The following FLYWCH1 variants were observed in gnomAD, a reference collection of about 807,000 sequenced individuals.
FLYWCH1 encodes the protein FLYWCH-type zinc finger 1, also known as FLYWCH-type zinc finger-containing protein 1.
In FLYWCH1, 75 loss-of-function variants were observed where a neutral mutation model predicts 66.4. That is an observed-to-expected ratio of 1.13 (90% CI 0.94 to 1.37). The LOEUF (loss-of-function observed/expected upper bound fraction) is 1.37. Among genes scored for constraint, FLYWCH1 ranks in the 40% most tolerant of loss-of-function variants. FLYWCH1 has a pLI of 0.00. For synonymous variants in FLYWCH1, 595 were observed against 429.9 expected, an observed-to-expected ratio of 1.38 and a Z score of -4.75; for missense variants, 1,334 against 1,001.8, an observed-to-expected ratio of 1.33 and a Z score of -4.48.
chr16:2,923,792 C>G (rs989640059), intron 2 of FLYWCH1, among the ~76,000 whole-genome samples: 1 of 152,082 alleles, frequency 6.6e-6, no homozygotes, highest in Non-Finnish European at 1.5e-5. Context: ...AATCCCCGCA[C>G]TTTGGAAGGC....
rs1183365241 is a variant in FLYWCH1 at position 2,950,856 on chromosome 16, T to G, written c.*2129T>G. 6.6e-6 allele frequency: 1 copy of G among 152,260 alleles called. No homozygotes were observed. The highest frequency in any genetic ancestry group is 1.5e-5 in the Non-Finnish European group (1 of 68,062). 9.4% of individuals were successfully genotyped at this position (152,260 alleles called of 1,614,324 possible). A position where few individuals can be genotyped will look rare whatever the true frequency, so the allele number is the denominator to read the frequency against. ...GATGATGCTGTTGCCTTGGGTGGCT[T>G]CATGGCCACCAACCCGCACCCTGGT... On this transcript the variant is annotated 3_prime_UTR_variant, in exon 10 of 10. Coordinates refer to ENST00000253928, the MANE Select transcript of FLYWCH1 (RefSeq NM_001308068.2).
intron 2 of FLYWCH1, among the ~76,000 whole-genome samples, chr16:2,917,014 G>A (rs961306580): frequency 1.3e-5 from 2 of 150,932 alleles, no homozygotes; most frequent in Non-Finnish European, 2.9e-5. Context: ...AAATTAGCCA[G>A]GCGTGGTAGC....
intron 4 of FLYWCH1, among the ~76,000 whole-genome samples, 188 bp from the exon 5 acceptor site, chr16:2,932,942 G>A (rs1373290283): frequency 1.3e-5 from 2 of 151,866 alleles, no homozygotes; most frequent in African/African-American, 2.4e-5. Flanking sequence ...ACTCTCCTCC[G>A]GGTCGCTTGG....
At chr16:2,915,781 A>C (rs2070147986) in intron 2 of FLYWCH1, among the ~76,000 whole-genome samples, 1 of 151,072 alleles carries the variant, frequency 6.6e-6, no homozygotes, top group African/African-American at 2.4e-5. Flanking sequence ...TGGGAGACAG[A>C]GCAAGACTCT....
intron 2 of FLYWCH1, among the ~76,000 whole-genome samples, chr16:2,924,609 C>G (rs548100284): frequency 3.7e-4 from 57 of 152,134 alleles, no homozygotes; most frequent in Non-Finnish European, 5.7e-4. Flanking sequence ...GGCCCTGGCC[C>G]GTGAGGCGTG....
At chr16:2,947,696 A>G (rs974047874) in intron 9 of FLYWCH1, among the ~76,000 whole-genome samples, 1 of 151,210 alleles carries the variant, frequency 6.6e-6, no homozygotes, top group Non-Finnish European at 1.5e-5. Context: ...TGGGAGGTAG[A>G]GGTTGCAGTG....
At position 2,938,200 on chromosome 16, in the gene FLYWCH1, G is replaced by A. The variant is rs371487360; in HGVS notation, c.1794G>A (p.Leu598=). 153 of 1,612,836 alleles carry A rather than the reference G, an allele frequency of 9.5e-5. No individual in the cohort carries two copies. The Middle Eastern group carries it at 2.4e-3, about 25-fold the overall frequency. ...QWDSPDPLRP[L]EFLRTSLGGR... is the part of the protein sequence containing the mutation. Reference sequence around the variant, plus strand: ...CCCTTTCAGATCCTCTCCGGCCCCTGGAGTTCCTGAGGACTTCCCTGGGGG... The same window carrying A: ...CCCTTTCAGATCCTCTCCGGCCCCTAGAGTTCCTGAGGACTTCCCTGGGGG... The change falls in exon 8 of 10, where the codon CTG becomes CTA. Residue 598 remains leucine, a synonymous_variant. Coordinates refer to ENST00000253928, the MANE Select transcript of FLYWCH1 (RefSeq NM_001308068.2).
intron 2 of FLYWCH1, among the ~76,000 whole-genome samples, chr16:2,917,290 T>C (rs972059890): frequency 6.8e-6 from 1 of 147,302 alleles, no homozygotes; most frequent in Non-Finnish European, 1.5e-5. Context: ...AGTGCAATGG[T>C]GGGATCTCTG....
intron 2 of FLYWCH1, among the ~76,000 whole-genome samples, chr16:2,916,001 A>G (rs1030130155): frequency 2.0e-5 from 3 of 152,068 alleles, no homozygotes; most frequent in Admixed American, 2.0e-4. Context: ...AGATAAGCCT[A>G]CCTGAGTTTG....
intron 3 of FLYWCH1, among the ~76,000 whole-genome samples, 180 bp downstream of exon 3, chr16:2,930,190 C>A (rs376471191): frequency 2.0e-5 from 3 of 152,216 alleles, no homozygotes; most frequent in African/African-American, 7.2e-5. Context: ...CCAGGAGCTC[C>A]TGGGAGTTGC....
rs1191822682 is a variant in FLYWCH1 at position 2,937,301 on chromosome 16, A to G, written c.1694A>G (p.His565Arg). 1 of 1,604,150 alleles carries G rather than the reference A, an allele frequency of 6.2e-7. No homozygotes were observed. The highest frequency in any genetic ancestry group is 1.7e-5 in the Admixed American group (1 of 59,032). Residue 565 changes from histidine (H) to arginine (R), a missense_variant, in exon 7 of 10, where the codon CAC (histidine) becomes CGC (arginine). Coordinates refer to ENST00000253928, the MANE Select transcript of FLYWCH1 (RefSeq NM_001308068.2). The stretch of plus-strand genomic sequence containing the variant: ...CGGCGGGTCATGGTCATGCGCAGGC[A>G]CTGCCACCCACCGGACCTGGGCGGC... ...QGRRVMVMRRHCHPPDLGGLE... is the reference protein window; with the variant it reads ...QGRRVMVMRRRCHPPDLGGLE...
chr16:2,934,965 C>G (rs1397891603), intron 6 of FLYWCH1: 1 of 176,684 alleles, frequency 5.7e-6, no homozygotes, highest in African/African-American at 2.5e-5. Context: ...GCTTTATCAC[C>G]CAGGCTGGTG....
chr16:2,924,738 C>T (rs1326319142), intron 2 of FLYWCH1, among the ~76,000 whole-genome samples: 3 of 152,140 alleles, frequency 2.0e-5, no homozygotes, highest in Non-Finnish European at 4.4e-5. Flanking sequence ...CTTTAACGGG[C>T]GGAGTGGCGG....
chr16:2,948,278 G>C (rs2071565682), intron 9 of FLYWCH1, among the ~76,000 whole-genome samples: 1 of 152,124 alleles, frequency 6.6e-6, no homozygotes, highest in African/African-American at 2.4e-5. Flanking sequence ...AAAATGATCA[G>C]CCAGGTGAGG....
intron 9 of FLYWCH1, among the ~76,000 whole-genome samples, chr16:2,943,898 T>C (rs1010575461): frequency 5.3e-5 from 8 of 151,846 alleles, no homozygotes; most frequent in Admixed American, 2.0e-4. Flanking sequence ...GATCACGACA[T>C]TGCACTCCAG....
intron 2 of FLYWCH1, among the ~76,000 whole-genome samples, chr16:2,921,340 C>T (rs931989890): frequency 2.2e-4 from 26 of 118,266 alleles, no homozygotes; most frequent in Non-Finnish European, 4.1e-4. Flanking sequence ...TCACCACCAT[C>T]AATTTTAGGA....
chr16:2,920,219 C>T (rs1416983635), intron 2 of FLYWCH1, among the ~76,000 whole-genome samples: 1 of 152,012 alleles, frequency 6.6e-6, no homozygotes, highest in Non-Finnish European at 1.5e-5. Flanking sequence ...GTAAACCAAA[C>T]CCAAGAACAA....
chr16:2,925,285 C>T (rs549972347), intron 2 of FLYWCH1, among the ~76,000 whole-genome samples: 8 of 152,158 alleles, frequency 5.3e-5, no homozygotes, highest in Non-Finnish European at 1.0e-4. Context: ...GGGACCTGGG[C>T]TGGGGGGACC....
At chr16:2,937,061 A>G in intron 6 of FLYWCH1, 60 bp from the exon 7 acceptor site, 3 of 1,252,924 alleles carry the variant, frequency 2.4e-6, no homozygotes, top group South Asian at 1.6e-5. Context: ...TCTCGGGGCC[A>G]TGCTGATCTG....
Sources: allele counts gnomAD v4.1 joint callset (sites outside exome capture counted in the v4.1 genomes callset), GRCh38; gene constraint gnomAD v4.1.1; transcripts MANE v1.5; gene names NCBI Gene and HGNC (gene_info 2026-07-23, HGNC 2026-07-21).